Variants in JAKMIP1 observed in about 807,000 individuals in gnomAD.
The protein encoded by JAKMIP1 is janus kinase and microtubule interacting protein 1, also known as janus kinase and microtubule-interacting protein 1.
JAKMIP1 carries 33 observed loss-of-function variants against 113.0 expected under a neutral mutation model. The observed-to-expected ratio is 0.29, with a 90% CI of 0.22 to 0.39. The LOEUF is 0.39. Ranked by LOEUF, JAKMIP1 falls within the 10% of genes least tolerant of loss-of-function variation. JAKMIP1 has a pLI of 1.00. For missense variants in JAKMIP1, 813 were observed against 1,080.5 expected, an observed-to-expected ratio of 0.75 and a Z score of 3.47; for synonymous variants, 480 against 459.9, an observed-to-expected ratio of 1.04 and a Z score of -0.56.
chr4:6,038,151 C>G (rs1455126311), intron 18 of JAKMIP1, among the ~76,000 whole-genome samples: 2 of 141,440 alleles, frequency 1.4e-5, no homozygotes, highest in African/African-American at 5.4e-5. Flanking sequence ...CAGAGGCTAA[C>G]CGGTATCCCT....
rs1218691611 is a variant in JAKMIP1, at chr4:6,031,721, C to A, written c.2380-1940G>T. Among the ~76,000 whole-genome samples the A allele has an allele frequency of 6.6e-6, 1 of 152,028 alleles. No individual in the cohort carries two copies. On this transcript the variant is annotated intron_variant, in intron 19 of 20. Coordinates refer to ENST00000409021, the MANE Select transcript of JAKMIP1 (RefSeq NM_001099433.2). This position sits in a 1 kb window ranked among gnomAD's most constrained non-coding sequence, Gnocchi z 4.4. ...GATTTCAGGATGATCACGGGGCAGC[C>A]AAACAGAATGGATTCCACGAAGGAG... is the stretch of plus-strand genomic sequence containing the variant.
chr4:6,133,691 C>T (rs1210067168), intron 1 of JAKMIP1, among the ~76,000 whole-genome samples: 1 of 152,196 alleles, frequency 6.6e-6, no homozygotes, highest in East Asian at 1.9e-4. Flanking sequence ...AACAATGTGT[C>T]CTCCTGGCCT....
Position 6,026,293 on chromosome 4 carries a change from C to A in JAKMIP1, c.2446-15G>T. The A allele has an allele frequency of 2.5e-6, 3 of 1,201,882 alleles. No individual in the cohort carries two copies. The highest frequency in any genetic ancestry group is 3.6e-6 in the Non-Finnish European group (3 of 839,918). 74.5% of individuals were successfully genotyped at this position (1,201,882 alleles called of 1,614,324 possible). On this transcript the variant is annotated splice_polypyrimidine_tract_variant and intron_variant, in intron 20 of 20. Transcript: ENST00000409021. Reference sequence around the variant, plus strand: ...AGGAACAAAAACTATAAAATAATACCAAAAGAAAATGAGGAAAAGAGAAGA... The same window carrying A: ...AGGAACAAAAACTATAAAATAATACAAAAAGAAAATGAGGAAAAGAGAAGA...
In JAKMIP1 at chr4:6,176,121, C is replaced by G. The variant is rs192537743; in HGVS notation, c.-148+24132G>C. ...ATGCTCCCCTGGAGTAGTCAGAGAT[C>G]TAGTGAGAAGAAGGGACTACAAATC... On this transcript the variant is annotated intron_variant, in intron 1 of 20. Coordinates refer to ENST00000409021, the MANE Select transcript of JAKMIP1 (RefSeq NM_001099433.2). This position sits in a 1 kb window ranked among gnomAD's most constrained non-coding sequence, Gnocchi z 5.5. Among the ~76,000 whole-genome samples, 242 of 152,304 alleles carry G rather than the reference C, an allele frequency of 1.6e-3. 1 individual carries two copies. Among genetic ancestry groups the G allele is most frequent in the African/African-American group, 5.2e-3 (215 of 41,566 alleles).
At chr4:6,161,952 T>C (rs1298367523) in intron 1 of JAKMIP1, among the ~76,000 whole-genome samples, 1 of 152,130 alleles carries the variant, frequency 6.6e-6, no homozygotes, top group Non-Finnish European at 1.5e-5. Flanking sequence ...GTACTGAACA[T>C]GGGTTCAAGG....
In JAKMIP1 at chr4:6,028,889, G is replaced by A. The variant is rs112541311; in HGVS notation, c.2445+827C>T. Among the ~76,000 whole-genome samples, 1,015 of 152,272 alleles carry A rather than the reference G, an allele frequency of 6.7e-3. 12 individuals are homozygous for A. Among genetic ancestry groups the A allele is most frequent in the Middle Eastern group, 0.017 (5 of 294 alleles). On this transcript the variant is annotated intron_variant, in intron 20 of 20. Transcript: ENST00000409021. ...TCTGTACTCATCTAGAATCATTTGC[G>A]TACTCATCCACAAACATTTGATGAT...
chr4:6,162,100 C>CG lies in JAKMIP1; in HGVS notation c.-148+38152dup, dbSNP rs1247445747. The stretch of plus-strand genomic sequence containing the variant: ...AGCTCAGGCTCAGCCATGTCTGGGA[C>CG]GGGGTAGATTATGGGCCAGACGGGG... On this transcript the variant is annotated intron_variant, in intron 1 of 20. Transcript: ENST00000409021. The surrounding 1 kb of genome is among the most constrained non-coding windows in gnomAD (Gnocchi z 5.6). Among the ~76,000 whole-genome samples the CG allele has an allele frequency of 4.7e-5, 7 of 147,918 alleles. No individual in the cohort carries two copies. The highest frequency in any genetic ancestry group is 8.8e-5 in the Non-Finnish European group (6 of 67,988).
At chr4:6,189,049 C>T (rs1192227528) in intron 1 of JAKMIP1, among the ~76,000 whole-genome samples, 1 of 151,950 alleles carries the variant, frequency 6.6e-6, no homozygotes, top group African/African-American at 2.4e-5. Context: ...CACCCAGCGC[C>T]CTGGTCCAAC....
intron 1 of JAKMIP1, among the ~76,000 whole-genome samples, chr4:6,120,314 A>G (rs1716521592): frequency 6.6e-6 from 1 of 152,194 alleles, no homozygotes; most frequent in Non-Finnish European, 1.5e-5. Context: ...AGCTACAGCC[A>G]TATTCCTACC....
At chr4:6,068,848 G>A (rs1186306877) in intron 8 of JAKMIP1, among the ~76,000 whole-genome samples, 11 of 152,124 alleles carry the variant, frequency 7.2e-5, no homozygotes, top group Non-Finnish European at 1.2e-4. Flanking sequence ...GGGATCACAG[G>A]TGTGAGCCAT....
chr4:6,119,024 C>T (rs945978277), intron 1 of JAKMIP1, among the ~76,000 whole-genome samples: 4 of 152,098 alleles, frequency 2.6e-5, no homozygotes, highest in Admixed American at 6.5e-5. Flanking sequence ...GGGAAGAGAC[C>T]GGAGCACTGC....
intron 3 of JAKMIP1, among the ~76,000 whole-genome samples, chr4:6,095,962 G>A (rs1711667127): frequency 6.6e-6 from 1 of 152,196 alleles, no homozygotes; most frequent in Non-Finnish European, 1.5e-5. Context: ...GATGGGAAAA[G>A]GTGGCATATA....
At chr4:6,085,060 T>C (rs1252545336) in intron 4 of JAKMIP1, 95 bp from the exon 5 acceptor site, 28 of 1,398,188 alleles carry the variant, frequency 2.0e-5, no homozygotes, top group Non-Finnish European at 2.6e-5. Context: ...CATGACATAA[T>C]GGGTGAGATC....
chr4:6,076,009 T>C lies in JAKMIP1; in HGVS notation c.1302+2930A>G, dbSNP rs1414766695. Among the ~76,000 whole-genome samples, 1 of 152,126 alleles carries C rather than the reference T, an allele frequency of 6.6e-6. No individual in the cohort carries two copies. Among genetic ancestry groups the C allele is most frequent in the Non-Finnish European group, 1.5e-5 (1 of 68,022 alleles). ...CTGGCCAACATGGTGAAACCCCGTC[T>C]CTACTAAAAATACAAAATTAGCCAG... On this transcript the variant is annotated intron_variant, in intron 8 of 20. Coordinates refer to ENST00000409021, the MANE Select transcript of JAKMIP1 (RefSeq NM_001099433.2). This position sits in a 1 kb window ranked among gnomAD's most constrained non-coding sequence, Gnocchi z 4.8.
rs559383637 is a variant in JAKMIP1, at chr4:6,183,939, C to T, written c.-148+16314G>A. On this transcript the variant is annotated intron_variant, in intron 1 of 20. Coordinates refer to ENST00000409021, the MANE Select transcript of JAKMIP1 (RefSeq NM_001099433.2). This position sits in a 1 kb window ranked among gnomAD's most constrained non-coding sequence, Gnocchi z 5.3. ...ACAACCACAACAAAGTCCATTAATA[C>T]TCAAGATGCCACAGCTGTTCAGATT... Among the ~76,000 whole-genome samples the T allele has an allele frequency of 6.6e-6, 1 of 152,216 alleles. No homozygotes were observed. The highest frequency in any genetic ancestry group is 1.5e-5 in the Non-Finnish European group (1 of 68,034).
Position 6,140,493 on chromosome 4 carries a change from G to A in JAKMIP1, c.-147-27496C>T, listed in dbSNP as rs887594993. On this transcript the variant is annotated intron_variant, in intron 1 of 20. Coordinates refer to ENST00000409021, the MANE Select transcript of JAKMIP1 (RefSeq NM_001099433.2). The surrounding 1 kb of genome is among the most constrained non-coding windows in gnomAD (Gnocchi z 9.4). The stretch of plus-strand genomic sequence containing the variant: ...GGGGTCAGTGATTCGTGGTCCCCCC[G>A]ATCAGCTTAAGGCCCCTTCCAATAA... 6.6e-5 allele frequency among the ~76,000 whole-genome samples: 10 copies of A among 152,108 alleles called. No individual in the cohort carries two copies. The highest frequency in any genetic ancestry group is 4.1e-4 in the South Asian group (2 of 4,822).
At position 6,140,996 on chromosome 4, in the gene JAKMIP1, C is replaced by G. The variant is rs969617712; in HGVS notation, c.-147-27999G>C. On this transcript the variant is annotated intron_variant, in intron 1 of 20. Transcript: ENST00000409021. The surrounding 1 kb of genome is among the most constrained non-coding windows in gnomAD (Gnocchi z 9.4). Reference sequence around the variant, plus strand: ...ACCCCAGAGCTGGGTGACGGCAGAGCCAGCCCTGTGGGCCAGGCATCTGGG... The same window carrying G: ...ACCCCAGAGCTGGGTGACGGCAGAGGCAGCCCTGTGGGCCAGGCATCTGGG... Among the ~76,000 whole-genome samples the G allele has an allele frequency of 3.3e-5, 5 of 152,152 alleles. No individual in the cohort carries two copies. The highest frequency in any genetic ancestry group is 1.2e-4 in the African/African-American group (5 of 41,402).
chr4:6,039,039 G>A (rs562783933), intron 18 of JAKMIP1, among the ~76,000 whole-genome samples: 5 of 152,352 alleles, frequency 3.3e-5, no homozygotes, highest in Middle Eastern at 3.4e-3. Flanking sequence ...CAGGGGCTGC[G>A]TCAGAACTCC....
At chr4:6,148,171 G>T (rs4392572) in intron 1 of JAKMIP1, among the ~76,000 whole-genome samples, 10,049 of 152,256 alleles carry the variant, frequency 0.066, 864 homozygotes, top group African/African-American at 0.2. Context: ...ACACATACCT[G>T]CTAACTGGAC....
Sources: gnomAD v4.1 joint callset for allele counts (sites outside exome capture counted in the v4.1 genomes callset) on GRCh38, gnomAD v4.1.1 for gene constraint, Gnocchi (gnomAD v3.1) non-coding constraint, MANE v1.5 for transcripts, NCBI Gene and HGNC (gene_info 2026-07-23, HGNC 2026-07-21) for gene names.